The following HS6ST3 variants were observed in gnomAD, a reference collection of about 807,000 sequenced individuals.
HS6ST3 encodes heparan-sulfate 6-O-sulfotransferase 3.
In HS6ST3, 12 loss-of-function variants were observed where a neutral mutation model predicts 36.7. The ratio of observed to expected loss-of-function variants is 0.33; its 90% CI spans 0.21 to 0.53. The LOEUF is 0.53. Ranked by LOEUF, HS6ST3 falls within the 20% of genes least tolerant of loss-of-function variation. The pLI is 0.95. For missense variants in HS6ST3, 584 were observed against 640.9 expected, an observed-to-expected ratio of 0.91 and a Z score of 0.96; for synonymous variants, 240 against 257.5, an observed-to-expected ratio of 0.93 and a Z score of 0.65.
At chr13:96,422,638 G>A (rs890816972) in intron 1 of HS6ST3, among the ~76,000 whole-genome samples, 19 of 152,192 alleles carry the variant, frequency 1.2e-4, no homozygotes, top group African/African-American at 4.6e-4. Flanking sequence ...TTCATGTCAT[G>A]TGAATTGCAT....
chr13:96,700,438 T>C (rs1350640684), intron 1 of HS6ST3, among the ~76,000 whole-genome samples: 1 of 152,132 alleles, frequency 6.6e-6, no homozygotes, highest in Non-Finnish European at 1.5e-5. Flanking sequence ...GAGATTTGGG[T>C]GGGGACACAG....
At chr13:96,830,968 G>T (rs1404762274) in intron 1 of HS6ST3, among the ~76,000 whole-genome samples, 1 of 152,196 alleles carries the variant, frequency 6.6e-6, no homozygotes, top group South Asian at 2.1e-4. Flanking sequence ...TCCGCAATGG[G>T]GTCCTTTCTA....
At chr13:96,782,579 T>C (rs141477393) in intron 1 of HS6ST3, among the ~76,000 whole-genome samples, 187 of 152,280 alleles carry the variant, frequency 1.2e-3, no homozygotes, top group African/African-American at 3.8e-3. Context: ...AATGTGATGC[T>C]CTTTCATGAT....
intron 1 of HS6ST3, among the ~76,000 whole-genome samples, chr13:96,098,858 A>G (rs924110126): frequency 1.8e-4 from 27 of 152,328 alleles, no homozygotes; most frequent in African/African-American, 6.0e-4. Context: ...CTCTTAGGAC[A>G]AAGGCTGACA....
chr13:96,749,875 T>A (rs962774407), intron 1 of HS6ST3, among the ~76,000 whole-genome samples: 4 of 152,108 alleles, frequency 2.6e-5, no homozygotes, highest in Middle Eastern at 3.2e-3. Context: ...TGTCTGTATG[T>A]ATATAATATT....
At chr13:96,272,384 A>G (rs1456699321) in intron 1 of HS6ST3, among the ~76,000 whole-genome samples, 3 of 151,998 alleles carry the variant, frequency 2.0e-5, no homozygotes, top group African/African-American at 7.3e-5. Context: ...TCAAGTCCCA[A>G]TTCTGGTGCT....
chr13:96,688,750 CAT>C (rs1874856335), intron 1 of HS6ST3, among the ~76,000 whole-genome samples: 1 of 152,038 alleles, frequency 6.6e-6, no homozygotes, highest in Non-Finnish European at 1.5e-5. Context: ...AGCTGCCCAT[CAT>C]CATGCAAAGG....
intron 1 of HS6ST3, chr13:96,573,868 C>A: frequency 2.2e-6 from 1 of 463,902 alleles, no homozygotes; most frequent in South Asian, 1.6e-5. Context: ...AATCCAGCAT[C>A]AGGAGCACTG....
chr13:96,158,402 G>A (rs983791922), intron 1 of HS6ST3, among the ~76,000 whole-genome samples: 10 of 152,082 alleles, frequency 6.6e-5, no homozygotes, highest in Admixed American at 4.6e-4. Flanking sequence ...AAAAGGTGGA[G>A]AACTCTTAGA....
chr13:96,804,212 C>T (rs549683581), intron 1 of HS6ST3, among the ~76,000 whole-genome samples: 15 of 151,404 alleles, frequency 9.9e-5, no homozygotes, highest in African/African-American at 3.2e-4. Flanking sequence ...GAATTGGGAA[C>T]GGCTAGTGGT....
chr13:96,371,589 G>A (rs937201720), intron 1 of HS6ST3, among the ~76,000 whole-genome samples: 2 of 152,136 alleles, frequency 1.3e-5, no homozygotes, highest in Non-Finnish European at 2.9e-5. Flanking sequence ...TTAGCTGCAA[G>A]TAAGTATTTT....
intron 1 of HS6ST3, among the ~76,000 whole-genome samples, chr13:96,117,396 C>T (rs1384095962): frequency 6.6e-6 from 1 of 152,012 alleles, no homozygotes; most frequent in Non-Finnish European, 1.5e-5. Context: ...ACAATAATTG[C>T]ACATTTAAAA....
intron 1 of HS6ST3, among the ~76,000 whole-genome samples, chr13:96,492,539 C>T (rs182117704): frequency 3.9e-5 from 6 of 152,338 alleles, no homozygotes; most frequent in Admixed American, 1.3e-4. Context: ...TCCTTCCTTG[C>T]AGAAATGTAG....
At chr13:96,712,987 G>C (rs928406596) in intron 1 of HS6ST3, among the ~76,000 whole-genome samples, 1 of 152,158 alleles carries the variant, frequency 6.6e-6, no homozygotes, top group Admixed American at 6.5e-5. Context: ...CTCCTACTGA[G>C]TAACATAAAA....
intron 1 of HS6ST3, among the ~76,000 whole-genome samples, chr13:96,138,095 G>T (rs1351076152): frequency 6.6e-6 from 1 of 152,150 alleles, no homozygotes; most frequent in Non-Finnish European, 1.5e-5. Context: ...GGAAATCTGT[G>T]AAAGTTTAGT....
At chr13:96,194,326 G>A (rs187920881) in intron 1 of HS6ST3, among the ~76,000 whole-genome samples, 1 of 38,386 alleles carries the variant, frequency 2.6e-5, no homozygotes, top group East Asian at 5.5e-4. Context: ...TTTAGCTCTG[G>A]CCTCTGAATT....
At chr13:96,160,579 TAC>T (rs2054130953) in intron 1 of HS6ST3, among the ~76,000 whole-genome samples, 1 of 152,220 alleles carries the variant, frequency 6.6e-6, no homozygotes, top group South Asian at 2.1e-4. Flanking sequence ...TGAATGCTGC[TAC>T]CAAGTTTCTT....
At chr13:96,254,442 AAAAAAAATATATATATATATATATAT>A (rs2054624038) in intron 1 of HS6ST3, among the ~76,000 whole-genome samples, 2 of 40,400 alleles carry the variant, frequency 5.0e-5, no homozygotes, top group African/African-American at 8.4e-5. Flanking sequence ...AAAAAAAAAA[AAAAAAAATATATATATATATATATAT>A]ATATATATAT....
chr13:96,188,848 A>G (rs894599035), intron 1 of HS6ST3, among the ~76,000 whole-genome samples: 5 of 152,208 alleles, frequency 3.3e-5, no homozygotes, highest in African/African-American at 1.2e-4. Flanking sequence ...AGATGTGAAT[A>G]TGAGTATCTA....
Sources: gnomAD v4.1 joint callset for allele counts (sites outside exome capture counted in the v4.1 genomes callset) on GRCh38, gnomAD v4.1.1 for gene constraint, MANE v1.5 for transcripts, NCBI Gene and HGNC (gene_info 2026-07-23, HGNC 2026-07-21) for gene names.